Variants in ZNF385D observed in about 807,000 individuals in gnomAD.
ZNF385D encodes zinc finger protein 385D.
In ZNF385D, 15 loss-of-function variants were observed where a neutral mutation model predicts 35.8. That is an observed-to-expected ratio of 0.42 (90% confidence interval 0.28 to 0.64). The LOEUF is 0.64. Ranked by LOEUF, ZNF385D falls within the 30% of genes least tolerant of loss-of-function variation. ZNF385D has a pLI of 0.23. For missense variants in ZNF385D, 474 were observed against 494.6 expected (o/e 0.96, Z 0.39); for synonymous variants, 212 against 186.8 (o/e 1.13, Z -1.10).
chr3:22,017,353 A>T (rs1376064079), intron 3 of ZNF385D, among the ~76,000 whole-genome samples: 1 of 151,746 alleles, frequency 6.6e-6, no homozygotes, highest in Non-Finnish European at 1.5e-5. Flanking sequence ...ATGCTATACC[A>T]CTGTTCTTTC....
At chr3:21,757,546 G>A (rs1248659831) in intron 3 of ZNF385D, among the ~76,000 whole-genome samples, 6 of 152,070 alleles carry the variant, frequency 3.9e-5, no homozygotes, top group Non-Finnish European at 8.8e-5. Context: ...CTTAACCTTG[G>A]AGGTGGTTGT....
chr3:22,204,979 C>CAAAAAAAA (rs761954306), intron 2 of ZNF385D, among the ~76,000 whole-genome samples: 19 of 92,950 alleles, frequency 2.0e-4, no homozygotes, highest in Non-Finnish European at 3.4e-4. Context: ...TGACCAAATC[C>CAAAAAAAA]AAAAAAAAAA....
At chr3:22,270,835 CCT>C (rs1181436834) in intron 2 of ZNF385D, among the ~76,000 whole-genome samples, 26 of 151,992 alleles carry the variant, frequency 1.7e-4, no homozygotes, top group African/African-American at 6.0e-4. Flanking sequence ...ATGTAATTTT[CCT>C]CTGTTTTCTT....
At chr3:21,580,244 A>G (rs942613675) in intron 2 of ZNF385D, among the ~76,000 whole-genome samples, 2 of 152,142 alleles carry the variant, frequency 1.3e-5, no homozygotes, top group Non-Finnish European at 2.9e-5. Flanking sequence ...TTAGCCTCAA[A>G]GAATTTTGTG....
At chr3:21,855,506 T>C (rs1696659226) in intron 3 of ZNF385D, among the ~76,000 whole-genome samples, 1 of 152,044 alleles carries the variant, frequency 6.6e-6, no homozygotes, top group African/African-American at 2.4e-5. Flanking sequence ...TAGATTCCAT[T>C]GCTTTCCTAT....
intron 2 of ZNF385D, among the ~76,000 whole-genome samples, chr3:21,628,994 T>A (rs1192030631): frequency 6.6e-6 from 1 of 152,064 alleles, no homozygotes; most frequent in Non-Finnish European, 1.5e-5. Flanking sequence ...ACCAACAATT[T>A]TTTACAAAAG....
intron 3 of ZNF385D, among the ~76,000 whole-genome samples, chr3:22,073,103 G>A (rs1041011397): frequency 1.3e-5 from 2 of 151,966 alleles, no homozygotes; most frequent in African/African-American, 2.4e-5. Flanking sequence ...TAAGGGCAGA[G>A]ACAAGCAGTC....
At chr3:22,344,478 C>T (rs1695564783) in intron 2 of ZNF385D, among the ~76,000 whole-genome samples, 1 of 152,160 alleles carries the variant, frequency 6.6e-6, no homozygotes, top group Non-Finnish European at 1.5e-5. Flanking sequence ...CAGCCTTGAC[C>T]TCCCGGGCTC....
intron 2 of ZNF385D, among the ~76,000 whole-genome samples, chr3:22,280,141 C>A (rs1701661233): frequency 6.6e-6 from 1 of 151,556 alleles, no homozygotes; most frequent in South Asian, 2.1e-4. Flanking sequence ...TTATTTCTTG[C>A]TGATTTGAGT....
At chr3:21,751,879 A>G (rs1460800319), upstream of ZNF385D, among the ~76,000 whole-genome samples, 1 of 152,062 alleles carries the variant, frequency 6.6e-6, no homozygotes, top group African/African-American at 2.4e-5. Context: ...GCAGGTAGAA[A>G]GCACACTGAG....
intron 2 of ZNF385D, among the ~76,000 whole-genome samples, chr3:22,216,281 A>G (rs1427346138): frequency 2.6e-5 from 4 of 152,126 alleles, no homozygotes; most frequent in Non-Finnish European, 4.4e-5. Context: ...TTATAATTTC[A>G]TGAATATAAA....
chr3:21,701,935 G>A (rs925538180), intron 1 of ZNF385D, among the ~76,000 whole-genome samples: 1 of 152,160 alleles, frequency 6.6e-6, no homozygotes, highest in African/African-American at 2.4e-5. Context: ...CCAGGGTATA[G>A]CCCCCATCTT....
intron 1 of ZNF385D, among the ~76,000 whole-genome samples, chr3:21,743,524 C>T (rs568856204): frequency 5.3e-5 from 8 of 152,306 alleles, no homozygotes; most frequent in Non-Finnish European, 8.8e-5. Flanking sequence ...AAGTTCAAGG[C>T]GTAGGCCTGG....
chr3:21,937,125 G>C (rs1284590308), intron 3 of ZNF385D, among the ~76,000 whole-genome samples: 1 of 152,016 alleles, frequency 6.6e-6, no homozygotes, highest in Non-Finnish European at 1.5e-5. Flanking sequence ...AATATTTTTT[G>C]AGATGGAAAA....
At chr3:22,192,464 AT>A (rs1576473481) in intron 2 of ZNF385D, among the ~76,000 whole-genome samples, 1 of 152,120 alleles carries the variant, frequency 6.6e-6, no homozygotes, top group East Asian at 1.9e-4. Flanking sequence ...TGCAAAAATG[AT>A]GGTGTGTGAC....
rs1178102067 is a variant in ZNF385D at position 21,803,719 on chromosome 3, CATT to C, written c.326-138694_326-138692del. Among the ~76,000 whole-genome samples, 12 of 152,254 alleles carry C rather than the reference CATT, an allele frequency of 7.9e-5. No individual in the cohort carries two copies. The East Asian group carries it at 2.3e-3, about 29-fold the overall frequency. On this transcript the variant is annotated intron_variant, in intron 3 of 5. Transcript: ENST00000494108. ...CAAAAGCATTTTTCTCAGTCTTCAT[CATT>C]GTTTAGGCTTCCTTAAATGTGGCAA...
At chr3:21,624,750 A>G (rs895887268) in intron 2 of ZNF385D, among the ~76,000 whole-genome samples, 2 of 152,088 alleles carry the variant, frequency 1.3e-5, no homozygotes, top group African/African-American at 4.8e-5. Context: ...ACGTTGAGTC[A>G]GTTGCAATCT....
intron 2 of ZNF385D, among the ~76,000 whole-genome samples, chr3:22,273,141 C>A (rs1404157468): frequency 1.3e-5 from 2 of 151,834 alleles, no homozygotes; most frequent in Admixed American, 6.6e-5. Context: ...ATATATTTCC[C>A]TGGACTAAAG....
intron 3 of ZNF385D, among the ~76,000 whole-genome samples, chr3:21,768,828 A>G (rs565530179): frequency 2.6e-4 from 39 of 152,050 alleles, no homozygotes; most frequent in African/African-American, 9.2e-4. Context: ...AGTTGAAATA[A>G]CAAATCAGCA....
Sources: allele counts gnomAD v4.1 joint callset (sites outside exome capture counted in the v4.1 genomes callset), GRCh38; gene constraint gnomAD v4.1.1; transcripts MANE v1.5; gene names NCBI Gene and HGNC (gene_info 2026-07-23, HGNC 2026-07-21).